STARD13: variants seen among roughly 807,000 people sequenced by gnomAD.
STARD13 encodes the protein StAR related lipid transfer domain containing 13.
STARD13 carries 62 observed loss-of-function variants against 106.4 expected under a neutral mutation model. That is an observed-to-expected ratio of 0.58 (90% confidence interval 0.48 to 0.72). The LOEUF (loss-of-function observed/expected upper bound fraction) is 0.72, where lower values mean the gene tolerates loss of function less well. Among genes scored for constraint, STARD13 ranks in the 30% least tolerant of loss-of-function variants. STARD13 has a pLI of 0.00. For missense variants in STARD13, 1,387 were observed against 1,424.0 expected (o/e 0.97, Z 0.42); for synonymous variants, 565 against 553.0 (o/e 1.02, Z -0.31).
At chr13:33,674,241 G>A in the STARD13 span, among the ~76,000 whole-genome samples, 1 of 152,128 alleles carries the variant, frequency 6.6e-6, no homozygotes, top group African/African-American at 2.4e-5. Flanking sequence ...CTTCATGTTT[G>A]TTCATGAAGA....
chr13:33,215,126 G>GGC (rs1287212253), intron 1 of STARD13, among the ~76,000 whole-genome samples: 1 of 123,904 alleles, frequency 8.1e-6, no homozygotes, highest in African/African-American at 3.1e-5. Flanking sequence ...ACTTGGGGGG[G>GGC]GGGGTGGGGG....
At chr13:33,533,623 G>A in the STARD13 span, among the ~76,000 whole-genome samples, 2 of 152,086 alleles carry the variant, frequency 1.3e-5, no homozygotes, top group Admixed American at 1.3e-4. Flanking sequence ...CATCTGGTAA[G>A]TAAGTGGATT....
the STARD13 span, among the ~76,000 whole-genome samples, chr13:33,640,745 G>A: frequency 1.3e-5 from 2 of 152,320 alleles, no homozygotes; most frequent in African/African-American, 2.4e-5. Context: ...AGAATCTCCT[G>A]GTTGGGACTG....
chr13:33,193,906 G>T (rs1886428362), intron 1 of STARD13, among the ~76,000 whole-genome samples: 1 of 152,136 alleles, frequency 6.6e-6, no homozygotes, highest in Admixed American at 6.5e-5. Flanking sequence ...AGGTAGTCAG[G>T]ATTTCAAATG....
intron 1 of STARD13, among the ~76,000 whole-genome samples, chr13:33,304,073 T>A (rs1892816218): frequency 6.6e-6 from 1 of 152,234 alleles, no homozygotes; most frequent in Admixed American, 6.5e-5. Flanking sequence ...AGCTCATTTT[T>A]TCATCAACAA....
chr13:33,347,250 T>C (rs535262825), downstream of STARD13, among the ~76,000 whole-genome samples: 3 of 152,286 alleles, frequency 2.0e-5, no homozygotes, highest in South Asian at 6.2e-4. Context: ...CTATTTCTTT[T>C]TTTGAGACAG....
intron 1 of STARD13, chr13:33,186,090 G>T: frequency 6.3e-7 from 1 of 1,584,716 alleles, no homozygotes. Context: ...GTTGCTAACA[G>T]TGGAGAGGAA....
chr13:33,508,684 G>C, the STARD13 span, among the ~76,000 whole-genome samples: 10 of 152,224 alleles, frequency 6.6e-5, no homozygotes, highest in African/African-American at 2.4e-4. Context: ...AAAGGCAAAT[G>C]CTGTTGACAG....
chr13:33,545,335 T>A, the STARD13 span, among the ~76,000 whole-genome samples: 1 of 152,178 alleles, frequency 6.6e-6, no homozygotes, highest in African/African-American at 2.4e-5. Flanking sequence ...GACCTCGTGA[T>A]CCGCCTGCCT....
intron 1 of STARD13, among the ~76,000 whole-genome samples, chr13:33,269,859 C>T (rs1891073355): frequency 1.3e-5 from 2 of 152,156 alleles, no homozygotes; most frequent in South Asian, 4.1e-4. Flanking sequence ...TACATTCGCT[C>T]ACAGTGCATC....
intron 1 of STARD13, among the ~76,000 whole-genome samples, chr13:33,254,526 C>A (rs1262394068): frequency 6.6e-6 from 1 of 152,162 alleles, no homozygotes; most frequent in East Asian, 1.9e-4. Flanking sequence ...CCGACAAAGG[C>A]CCTACCATCA....
intron 1 of STARD13, among the ~76,000 whole-genome samples, chr13:33,268,933 C>T (rs940549871): frequency 9.2e-5 from 14 of 152,124 alleles, no homozygotes; most frequent in African/African-American, 3.1e-4. Flanking sequence ...TTTGGAGGCA[C>T]GAGAAGTTAG....
At chr13:33,533,701 C>A in the STARD13 span, among the ~76,000 whole-genome samples, 1 of 152,102 alleles carries the variant, frequency 6.6e-6, no homozygotes, top group East Asian at 1.9e-4. Context: ...TAAACCAAAG[C>A]CTTTGCTTAC....
chr13:33,258,434 C>T (rs898010398), intron 1 of STARD13, among the ~76,000 whole-genome samples: 7 of 151,026 alleles, frequency 4.6e-5, no homozygotes, highest in Admixed American at 4.6e-4. Context: ...AGACCAGAAA[C>T]ACACAAGACA....
the STARD13 span, among the ~76,000 whole-genome samples, chr13:33,563,881 A>C: frequency 1.4e-5 from 2 of 147,486 alleles, 1 homozygote; most frequent in Admixed American, 1.4e-4. Context: ...AGTAGCACAC[A>C]CACGAAAAAT....
chr13:33,641,058 C>T, the STARD13 span, among the ~76,000 whole-genome samples: 1 of 152,176 alleles, frequency 6.6e-6, no homozygotes, highest in African/African-American at 2.4e-5. Context: ...TAGGACTAGA[C>T]ACAAAGGGTA....
At position 33,248,316 on chromosome 13, in the gene STARD13, G is replaced by A. The variant is rs144334462; in HGVS notation, c.169+37154C>T. On this transcript the variant is annotated intron_variant, in intron 1 of 13. Coordinates refer to ENST00000336934, the MANE Select transcript of STARD13 (RefSeq NM_178006.4). ...CCTGCCACTGCACTCCAGCCTGGGC[G>A]ACAGAGTGAGAACTTCTCTCTCTAA... Among the ~76,000 whole-genome samples the A allele has an allele frequency of 1.5e-3, 225 of 152,216 alleles. 1 individual carries two copies. The highest frequency in any genetic ancestry group is 5.1e-3 in the African/African-American group (211 of 41,514).
the STARD13 span, among the ~76,000 whole-genome samples, chr13:33,630,942 A>G: frequency 6.6e-6 from 1 of 152,344 alleles, no homozygotes; most frequent in South Asian, 2.1e-4. Flanking sequence ...CTTCCTAAGC[A>G]GTAATTAACT....
At chr13:33,269,170 ACTTTCACATGAGTATCAG>A (rs1364823585) in intron 1 of STARD13, among the ~76,000 whole-genome samples, 1 of 152,200 alleles carries the variant, frequency 6.6e-6, no homozygotes, top group Non-Finnish European at 1.5e-5. Context: ...ATTTTTGAAG[ACTTTCACATGAGTATCAG>A]CTTAGTAACT....
Sources: gnomAD v4.1 joint callset for allele counts (sites outside exome capture counted in the v4.1 genomes callset) on GRCh38, gnomAD v4.1.1 for gene constraint, MANE v1.5 for transcripts, NCBI Gene and HGNC (gene_info 2026-07-23, HGNC 2026-07-21) for gene names.